The following CAST variants were observed in gnomAD, a reference collection of about 807,000 sequenced individuals.
CAST encodes the protein MIR583 host.
In CAST, 76 loss-of-function variants were observed where a neutral mutation model predicts 119.6. The observed-to-expected ratio is 0.64, with a 90% CI of 0.53 to 0.77. The LOEUF (loss-of-function observed/expected upper bound fraction) is 0.77. Among genes scored for constraint, CAST ranks in the 30% least tolerant of loss-of-function variants. The pLI is 0.00. For synonymous variants in CAST, 319 were observed against 331.6 expected (o/e 0.96, Z 0.41); for missense variants, 953 against 946.5 (o/e 1.01, Z -0.09).
chr5:96,125,956 A>G, the CAST span, among the ~76,000 whole-genome samples: 1 of 152,168 alleles, frequency 6.6e-6, no homozygotes, highest in African/African-American at 2.4e-5. Flanking sequence ...AGGAGGTGTT[A>G]AAGCTTAAAT....
chr5:95,988,992 G>A, the CAST span, among the ~76,000 whole-genome samples: 1 of 152,120 alleles, frequency 6.6e-6, no homozygotes, highest in Non-Finnish European at 1.5e-5. Flanking sequence ...GAACGAGTGG[G>A]CCTGTTTTTA....
the CAST span, among the ~76,000 whole-genome samples, chr5:96,407,029 T>C: frequency 9.5e-3 from 1,443 of 152,276 alleles, 27 homozygotes; most frequent in African/African-American, 0.033. Context: ...CATCATACAC[T>C]AAAATAAATT....
In CAST at chr5:96,736,164, C is replaced by T; in HGVS notation, c.631-8C>T. 1 of 1,596,296 alleles carries T rather than the reference C, an allele frequency of 6.3e-7. No homozygotes were observed. The highest frequency in any genetic ancestry group is 8.6e-7 in the Non-Finnish European group (1 of 1,166,812). On this transcript the variant is annotated splice_region_variant and splice_polypyrimidine_tract_variant and intron_variant, in intron 9 of 31. Transcript: ENST00000675179. The stretch of plus-strand genomic sequence containing the variant: ...GTGAGGAGTTGTTAATTTCTCAATT[C>T]TCACCAGAAAAAAGAAAAGAAATCA...
chr5:96,417,976 A>C, the CAST span, among the ~76,000 whole-genome samples: 7,360 of 152,316 alleles, frequency 0.048, 237 homozygotes, highest in Non-Finnish European at 0.072. Flanking sequence ...TCAGCAAAAG[A>C]ATCCAGTGCA....
intron 2 of CAST, among the ~76,000 whole-genome samples, chr5:96,693,988 G>A (rs1753005363): frequency 6.6e-6 from 1 of 152,110 alleles, no homozygotes; most frequent in South Asian, 2.1e-4. Context: ...AGAGTGGTTG[G>A]CGAGTGGACA....
chr5:96,532,206 T>G (rs997378220), intron 1 of CAST, among the ~76,000 whole-genome samples: 1 of 151,878 alleles, frequency 6.6e-6, no homozygotes, highest in African/African-American at 2.4e-5. Context: ...ATCAAAGACA[T>G]AATGCAAGGA....
the CAST span, among the ~76,000 whole-genome samples, chr5:95,968,537 A>G: frequency 7.2e-5 from 11 of 152,162 alleles, no homozygotes. Context: ...TCAAATACAC[A>G]TCCCCTATAA....
At chr5:96,393,191 G>A in the CAST span, 1 of 1,614,138 alleles carries the variant, frequency 6.2e-7, no homozygotes, top group East Asian at 2.2e-5. Flanking sequence ...GTTGAGCTTT[G>A]CACTTGGGGA....
At chr5:96,400,315 T>C in the CAST span, 2 of 715,728 alleles carry the variant, frequency 2.8e-6, no homozygotes, top group Non-Finnish European at 5.1e-6. Flanking sequence ...TATGTTATTC[T>C]AGTGTCTATT....
the CAST span, among the ~76,000 whole-genome samples, chr5:96,237,992 T>C: frequency 6.6e-6 from 1 of 152,088 alleles, no homozygotes; most frequent in Admixed American, 6.5e-5. Context: ...GATTAAATAA[T>C]GAAAGATTAT....
Position 96,710,600 on chromosome 5 carries a change from T to G in CAST, c.211-12039T>G, listed in dbSNP as rs187157962. On this transcript the variant is annotated intron_variant, in intron 3 of 31. Coordinates refer to ENST00000675179, the MANE Select transcript of CAST (RefSeq NM_001750.7). ...AACCACTGAGCTACAGTGTTAATGC[T>G]TGGCCAGTTACATTGCCCAGTGGCT... Among the ~76,000 whole-genome samples the G allele has an allele frequency of 2.5e-3, 377 of 152,330 alleles. 1 individual carries two copies. The highest frequency in any genetic ancestry group is 6.8e-3 in the Middle Eastern group (2 of 294).
the CAST span, among the ~76,000 whole-genome samples, chr5:96,286,982 G>T: frequency 6.6e-6 from 1 of 152,006 alleles, no homozygotes; most frequent in Non-Finnish European, 1.5e-5. Flanking sequence ...TACTTATGTT[G>T]AAAAGTAGAA....
At chr5:96,190,843 G>A in the CAST span, among the ~76,000 whole-genome samples, 1 of 152,124 alleles carries the variant, frequency 6.6e-6, no homozygotes, top group Admixed American at 6.5e-5. Context: ...CAGGTACTGA[G>A]CATGGTATCT....
In CAST at chr5:96,690,171, A is replaced by G. The variant is rs901441787; in HGVS notation, c.139-5665A>G. ...AGCAACTCACTGGAGTGTGCTCACCATAGTGGGTGTTATTAAGGGCCTAGA... is the reference window on the plus strand; with the variant it reads ...AGCAACTCACTGGAGTGTGCTCACCGTAGTGGGTGTTATTAAGGGCCTAGA... On this transcript the variant is annotated intron_variant, in intron 2 of 31. Coordinates refer to ENST00000675179, the MANE Select transcript of CAST (RefSeq NM_001750.7). 6.6e-5 allele frequency among the ~76,000 whole-genome samples: 10 copies of G among 152,318 alleles called. No homozygotes were observed. In the South Asian group the frequency reaches 1.9e-3, roughly 28 times the overall value.
chr5:96,617,733 A>T (rs1747493421), intron 1 of CAST, among the ~76,000 whole-genome samples: 1 of 133,368 alleles, frequency 7.5e-6, no homozygotes, highest in African/African-American at 2.7e-5. Flanking sequence ...CGGAGCTTGC[A>T]TTGAGCCAAG....
the CAST span, among the ~76,000 whole-genome samples, chr5:96,260,618 A>G: frequency 6.6e-6 from 1 of 152,186 alleles, no homozygotes; most frequent in Non-Finnish European, 1.5e-5. Flanking sequence ...CTGCACAACC[A>G]CACCCTGTGG....
At chr5:96,483,938 C>G in the CAST span, among the ~76,000 whole-genome samples, 1 of 152,174 alleles carries the variant, frequency 6.6e-6, no homozygotes, top group African/African-American at 2.4e-5. Flanking sequence ...CTCTACACCA[C>G]GCAGCCTCTT....
intron 1 of CAST, among the ~76,000 whole-genome samples, chr5:96,613,133 G>T (rs983675144): frequency 1.3e-5 from 2 of 152,152 alleles, no homozygotes; most frequent in Non-Finnish European, 2.9e-5. Context: ...CTGGTAGAGT[G>T]ACCCTCTCCA....
At chr5:96,443,711 C>T in the CAST span, among the ~76,000 whole-genome samples, 8 of 152,186 alleles carry the variant, frequency 5.3e-5, no homozygotes, top group African/African-American at 1.9e-4. Context: ...GCATGGGTCA[C>T]ACCAGGTGAT....
Sources: gnomAD v4.1 joint callset for allele counts (sites outside exome capture counted in the v4.1 genomes callset) on GRCh38, gnomAD v4.1.1 for gene constraint, MANE v1.5 for transcripts, NCBI Gene and HGNC (gene_info 2026-07-23, HGNC 2026-07-21) for gene names.